RBFOX1: variants seen among roughly 807,000 people sequenced by gnomAD.
The protein encoded by RBFOX1 is RNA binding fox-1 homolog 1.
A neutral mutation model predicts 57.7 loss-of-function variants in RBFOX1; 8 were observed. The observed-to-expected ratio is 0.14, with a 90% confidence interval of 0.08 to 0.25. RBFOX1 has a LOEUF of 0.25. Among genes scored for constraint, RBFOX1 ranks in the 10% least tolerant of loss-of-function variants. The pLI is 1.00. For synonymous variants in RBFOX1, 326 were observed against 222.4 expected (o/e 1.47, Z -4.15); for missense variants, 611 against 548.5 (o/e 1.11, Z -1.14).
Position 6,672,595 on chromosome 16 carries a change from C to G in RBFOX1, c.-16+17945C>G, listed in dbSNP as rs553477965. 2.0e-5 allele frequency among the ~76,000 whole-genome samples: 3 copies of G among 152,146 alleles called. No individual in the cohort carries two copies. The East Asian group carries it at 5.8e-4, about 29-fold the overall frequency. The stretch of plus-strand genomic sequence containing the variant: ...AGAAATTCTGTTTATGTGACAGAAT[C>G]TTAAACAAGCATATAAGACTACTGA... On this transcript the variant is annotated intron_variant, in intron 3 of 15. Transcript: ENST00000550418.
chr16:5,552,158 G>T (rs1042074475), intron 2 of RBFOX1, among the ~76,000 whole-genome samples: 1 of 152,096 alleles, frequency 6.6e-6, no homozygotes, highest in Non-Finnish European at 1.5e-5. Flanking sequence ...TAACGCAAGC[G>T]AGCTCTCAGC....
At chr16:7,059,124 T>C (rs1372896947) in intron 4 of RBFOX1, among the ~76,000 whole-genome samples, 25 of 152,228 alleles carry the variant, frequency 1.6e-4, no homozygotes, top group Admixed American at 1.6e-3. Flanking sequence ...CGCCTTCATC[T>C]GGACATCAGA....
intron 3 of RBFOX1, among the ~76,000 whole-genome samples, chr16:6,925,554 T>C (rs932815357): frequency 6.6e-6 from 1 of 151,978 alleles, no homozygotes; most frequent in Non-Finnish European, 1.5e-5. Context: ...TTTTATTCAC[T>C]GACATAGCTC....
chr16:5,901,114 G>A lies in RBFOX1; in HGVS notation c.351+33779G>A, dbSNP rs924941258. On this transcript the variant is annotated intron_variant, in intron 4 of 19. Transcript: ENST00000641259. ...CTAGTGTCAGGAGAAACGGAGACGC[G>A]TGTTGATTAAGTCTGGCGTCTCAGC... 2.2e-4 allele frequency among the ~76,000 whole-genome samples: 34 copies of A among 152,124 alleles called. 1 individual carries two copies. The highest frequency in any genetic ancestry group is 4.4e-5 in the Non-Finnish European group (3 of 68,034).
chr16:5,363,218 T>C (rs2065605422), intron 1 of RBFOX1, among the ~76,000 whole-genome samples: 1 of 147,622 alleles, frequency 6.8e-6, no homozygotes, highest in Admixed American at 6.7e-5. Flanking sequence ...TTTTTTTTTG[T>C]ATTTTTAGTA....
At chr16:5,943,742 G>A (rs879138431) in intron 4 of RBFOX1, among the ~76,000 whole-genome samples, 3 of 152,268 alleles carry the variant, frequency 2.0e-5, no homozygotes, top group Admixed American at 2.0e-4. Context: ...TAAACTACAA[G>A]TAGTGCCTGA....
rs7189974 is a variant in RBFOX1, at chr16:6,480,049, C to T, written c.-64+162992C>T. Among the ~76,000 whole-genome samples the T allele has an allele frequency of 1.3e-3, 101 of 79,026 alleles. 1 individual carries two copies. Among genetic ancestry groups the T allele is most frequent in the African/African-American group, 7.1e-3 (94 of 13,198 alleles). The allele number at this position is 79,026 out of a possible 152,430, so 51.8% of individuals were successfully genotyped here. ...TGGGAGACAGAGCAAGACTCCACCT[C>T]GAAAAAAAAAAAAAAAAAATCACTG... On this transcript the variant is annotated intron_variant, in intron 2 of 15. Transcript: ENST00000550418.
chr16:6,819,208 T>G (rs1044209112), intron 3 of RBFOX1, among the ~76,000 whole-genome samples: 3 of 152,228 alleles, frequency 2.0e-5, no homozygotes, highest in African/African-American at 4.8e-5. Context: ...TATTTCCGTA[T>G]AGAAATCGTC....
intron 3 of RBFOX1, among the ~76,000 whole-genome samples, chr16:6,687,138 C>G (rs1036943022): frequency 6.6e-6 from 1 of 152,064 alleles, no homozygotes; most frequent in Admixed American, 6.6e-5. Context: ...CTTGGGGCAT[C>G]CATAGAAATA....
chr16:5,252,585 G>A (rs191711725), intron 1 of RBFOX1, among the ~76,000 whole-genome samples: 1 of 152,168 alleles, frequency 6.6e-6, no homozygotes, highest in East Asian at 1.9e-4. Context: ...AGGCTGTGGG[G>A]TTGGACACTT....
chr16:7,528,765 T>C (rs1200825181), intron 5 of RBFOX1, among the ~76,000 whole-genome samples: 1 of 152,204 alleles, frequency 6.6e-6, no homozygotes, highest in East Asian at 1.9e-4. Context: ...CATATAGTCT[T>C]TAGGTGCATA....
At chr16:5,309,336 G>T (rs2064020838) in intron 1 of RBFOX1, among the ~76,000 whole-genome samples, 1 of 152,042 alleles carries the variant, frequency 6.6e-6, no homozygotes, top group South Asian at 2.1e-4. Context: ...TCTAGTCATT[G>T]ATAACAGTTC....
At chr16:6,559,439 A>T (rs1288943955) in intron 2 of RBFOX1, among the ~76,000 whole-genome samples, 1 of 152,112 alleles carries the variant, frequency 6.6e-6, no homozygotes, top group Non-Finnish European at 1.5e-5. Flanking sequence ...TCATCTCAGC[A>T]CCATCTTCTC....
chr16:7,344,450 G>C (rs1407348000), intron 4 of RBFOX1, among the ~76,000 whole-genome samples: 3 of 149,668 alleles, frequency 2.0e-5, no homozygotes, highest in African/African-American at 7.3e-5. Context: ...GTAACACATA[G>C]TTATAAATAT....
At chr16:6,311,188 C>G (rs1313793163) in intron 1 of RBFOX1, among the ~76,000 whole-genome samples, 2 of 148,498 alleles carry the variant, frequency 1.3e-5, no homozygotes, top group Non-Finnish European at 3.0e-5. Context: ...CCCAGCTACT[C>G]AGGTGGCTGA....
At chr16:7,537,441 T>A (rs1507021) in intron 5 of RBFOX1, among the ~76,000 whole-genome samples, 49,734 of 152,082 alleles carry the variant, frequency 0.33, 10,392 homozygotes, top group Non-Finnish European at 0.47. Flanking sequence ...TTGATGTGAC[T>A]CAGTGTGTTC....
rs147258884 is a variant in RBFOX1 at position 6,652,668 on chromosome 16, A to G, written c.-63-1935A>G. On this transcript the variant is annotated intron_variant, in intron 2 of 15. Coordinates refer to ENST00000550418, the MANE Select transcript of RBFOX1 (RefSeq NM_018723.4). ...AGTCACCTAGTCTGTAATATTTTTT[A>G]TGGCATTCCTAGCCGACTCATACAA... is the stretch of plus-strand genomic sequence containing the variant. Among the ~76,000 whole-genome samples the G allele has an allele frequency of 4.6e-5, 7 of 152,250 alleles. No individual in the cohort carries two copies. The East Asian group carries it at 1.4e-3, about 29-fold the overall frequency.
chr16:6,365,871 C>G (rs572956801), intron 2 of RBFOX1, among the ~76,000 whole-genome samples: 3 of 152,282 alleles, frequency 2.0e-5, no homozygotes, highest in African/African-American at 4.8e-5. Flanking sequence ...TAGTGTTTAA[C>G]TCAATACCTA....
Position 6,891,597 on chromosome 16 carries a change from C to G in RBFOX1, c.-15-160460C>G, listed in dbSNP as rs530209949. Among the ~76,000 whole-genome samples, 3 of 152,268 alleles carry G rather than the reference C, an allele frequency of 2.0e-5. No homozygotes were observed. In the East Asian group the frequency reaches 5.8e-4, roughly 29 times the overall value. ...CTCCAGGCATAGCATTCCTCAGCACCATTGTTCCAAATCACTGAAGCTGGC... is the reference window on the plus strand; with the variant it reads ...CTCCAGGCATAGCATTCCTCAGCACGATTGTTCCAAATCACTGAAGCTGGC... On this transcript the variant is annotated intron_variant, in intron 3 of 15. Transcript: ENST00000550418.
Sources: gnomAD v4.1 joint callset for allele counts (sites outside exome capture counted in the v4.1 genomes callset) on GRCh38, gnomAD v4.1.1 for gene constraint, MANE v1.5 for transcripts, NCBI Gene and HGNC (gene_info 2026-07-23, HGNC 2026-07-21) for gene names.